Variants in IL12RB2 observed in about 807,000 individuals in gnomAD.
The protein encoded by IL12RB2 is interleukin 12 receptor subunit beta 2.
Under a neutral mutation model 89.4 loss-of-function variants are expected in IL12RB2, and 82 were observed. The observed-to-expected ratio is 0.92, with a 90% confidence interval of 0.77 to 1.10. IL12RB2 has a LOEUF of 1.10. Among genes scored for constraint, IL12RB2 ranks in the 50% least tolerant of loss-of-function variants. The pLI is 0.00. For missense variants in IL12RB2, 963 were observed against 1,031.9 expected (o/e 0.93, Z 0.92); for synonymous variants, 368 against 370.1 (o/e 0.99, Z 0.07).
At chr1:67,380,274 G>C in intron 14 of IL12RB2, 151 bp downstream of exon 14, 1 of 786,640 alleles carries the variant, frequency 1.3e-6, no homozygotes, top group Non-Finnish European at 2.2e-6. Context: ...CTCCTAAATA[G>C]AATGCTTTAC....
intron 7 of IL12RB2, 41 bp from the exon 8 acceptor site, chr1:67,330,619 T>A (rs1657947324): frequency 2.2e-6 from 2 of 922,324 alleles, no homozygotes; most frequent in Non-Finnish European, 3.6e-6. Flanking sequence ...AAATTAGCAA[T>A]CTAGTATTAA....
intron 10 of IL12RB2, among the ~76,000 whole-genome samples, chr1:67,351,721 T>C (rs1347947356): frequency 6.6e-6 from 1 of 152,218 alleles, no homozygotes; most frequent in Admixed American, 6.5e-5. Context: ...CATAGCCCTT[T>C]ATTGCACAAG....
At chr1:67,310,236 A>G (rs1031917090) in intron 1 of IL12RB2, among the ~76,000 whole-genome samples, 3 of 151,226 alleles carry the variant, frequency 2.0e-5, no homozygotes, top group South Asian at 2.1e-4. Flanking sequence ...AGTCTTATAC[A>G]ATTTCCTTTG....
At chr1:67,394,846 A>G (rs1294434873) in intron 16 of IL12RB2, among the ~76,000 whole-genome samples, 1 of 152,200 alleles carries the variant, frequency 6.6e-6, no homozygotes. Context: ...GTGTCCCTTC[A>G]TCACCTGTTT....
intron 8 of IL12RB2, 59 bp downstream of exon 8, chr1:67,330,869 G>T: frequency 1.1e-6 from 1 of 908,502 alleles, no homozygotes; most frequent in Admixed American, 1.7e-5. Context: ...GAGGGGGGAA[G>T]ATGTAATGAT....
Position 67,367,806 on chromosome 1 carries a change from C to T in IL12RB2, c.1259-19C>T, listed in dbSNP as rs773599091. 1.4e-6 allele frequency: 2 copies of T among 1,379,678 alleles called. No individual in the cohort carries two copies. Among genetic ancestry groups the T allele is most frequent in the African/African-American group, 1.4e-5 (1 of 69,732 alleles). The allele number at this position is 1,379,678 out of a possible 1,614,324, so 85.5% of individuals were successfully genotyped here. The stretch of plus-strand genomic sequence containing the variant: ...CTCCTCTTTTTTTATTTTGTTTCTC[C>T]TCTTTCTGTCCGATAAAGGGTTGCT... On this transcript the variant is annotated intron_variant, in intron 10 of 16. Transcript: ENST00000674203.
intron 1 of IL12RB2, among the ~76,000 whole-genome samples, chr1:67,311,268 G>C (rs1269096775): frequency 6.6e-6 from 1 of 152,172 alleles, no homozygotes; most frequent in East Asian, 1.9e-4. Context: ...GTTTAACATG[G>C]GAGCCCTGAG....
chr1:67,334,354 T>A (rs1029309654), intron 8 of IL12RB2, among the ~76,000 whole-genome samples: 1 of 152,250 alleles, frequency 6.6e-6, no homozygotes, highest in East Asian at 1.9e-4. Context: ...AAATGTGCTA[T>A]TGTCACATGC....
At chr1:67,328,133 T>C (rs1657575203) in intron 5 of IL12RB2, 67 bp from the exon 6 acceptor site, 4 of 1,088,080 alleles carry the variant, frequency 3.7e-6, no homozygotes, top group Non-Finnish European at 5.7e-6. Context: ...CATTTTGTTC[T>C]TTTCTACTGT....
chr1:67,317,164 G>GTA (rs1211228524), intron 2 of IL12RB2, among the ~76,000 whole-genome samples: 1 of 152,192 alleles, frequency 6.6e-6, no homozygotes, highest in Non-Finnish European at 1.5e-5. Flanking sequence ...ACGGGCAGGA[G>GTA]TATAAGCAGC....
At chr1:67,330,292 T>C (rs1299773943) in intron 7 of IL12RB2, among the ~76,000 whole-genome samples, 1 of 146,768 alleles carries the variant, frequency 6.8e-6, no homozygotes, top group East Asian at 2.0e-4. Context: ...AAAAAGCCAG[T>C]GCTATGTTTG....
intron 10 of IL12RB2, among the ~76,000 whole-genome samples, chr1:67,353,243 T>C (rs185045887): frequency 7.2e-5 from 11 of 152,284 alleles, no homozygotes; most frequent in Admixed American, 2.6e-4. Context: ...AAAGGTAAGA[T>C]TTTAAAAGTG....
chr1:67,372,797 C>T lies in IL12RB2; in HGVS notation c.1717+14C>T. 6.3e-7 allele frequency: 1 copy of T among 1,578,232 alleles called. No homozygotes were observed. Among genetic ancestry groups the T allele is most frequent in the Non-Finnish European group, 8.7e-7 (1 of 1,147,644 alleles). On this transcript the variant is annotated intron_variant, in intron 13 of 16. Transcript: ENST00000674203. ...CTCAGCTCTGTGGTATGTGTGAGAA[C>T]CAAATGCAGTGAGTGGGGCCTTCTT... is the stretch of plus-strand genomic sequence containing the variant.
At chr1:67,388,446 A>C (rs959664253) in intron 15 of IL12RB2, among the ~76,000 whole-genome samples, 17 of 152,072 alleles carry the variant, frequency 1.1e-4, no homozygotes, top group African/African-American at 3.9e-4. Context: ...CCTGGGTTCA[A>C]TCGATTCTCC....
At chr1:67,371,444 A>G (rs1663292800) in intron 11 of IL12RB2, among the ~76,000 whole-genome samples, 3 of 152,130 alleles carry the variant, frequency 2.0e-5, no homozygotes, top group African/African-American at 7.2e-5. Context: ...ACCCTAATCA[A>G]CTGTCAGTGT....
At position 67,390,043 on chromosome 1, in the gene IL12RB2, T is replaced by C. The variant is rs1385957091; in HGVS notation, c.1961T>C (p.Leu654Pro). ...TTTATCTATAGGGTGTTTGTTCTCC[T>C]AGCAGCCCTCAGACCTCAGTGGTGT... The part of the protein sequence containing the change: ...HYFQQKVFVL[L>P]AALRPQWCSR... Residue 654 changes from leucine (L) to proline (P), a missense_variant, in exon 16 of 17, where the codon CTA becomes CCA. Coordinates refer to ENST00000674203, the MANE Select transcript of IL12RB2 (RefSeq NM_001374259.2). The C allele has an allele frequency of 1.6e-6, 2 of 1,283,444 alleles. No individual in the cohort carries two copies. Among genetic ancestry groups the C allele is most frequent in the Non-Finnish European group, 1.1e-6 (1 of 877,950 alleles). 79.5% of individuals were successfully genotyped at this position (1,283,444 alleles called of 1,614,324 possible). A position where few individuals can be genotyped will look rare whatever the true frequency, so the allele number is the denominator to read the frequency against.
chr1:67,323,735 A>G (rs1339325071), intron 4 of IL12RB2, among the ~76,000 whole-genome samples: 2 of 152,224 alleles, frequency 1.3e-5, no homozygotes, highest in African/African-American at 4.8e-5. Flanking sequence ...GCTATGCTCC[A>G]CCAACCCAAG....
At chr1:67,325,847 A>G (rs1401838032) in intron 4 of IL12RB2, among the ~76,000 whole-genome samples, 1 of 152,246 alleles carries the variant, frequency 6.6e-6, no homozygotes, top group Admixed American at 6.5e-5. Context: ...GTATTAGGGT[A>G]AAATGGGATG....
At chr1:67,324,916 G>T (rs958722704) in intron 4 of IL12RB2, among the ~76,000 whole-genome samples, 3 of 152,208 alleles carry the variant, frequency 2.0e-5, no homozygotes, top group African/African-American at 4.8e-5. Flanking sequence ...CAGTCTATAT[G>T]TCTTAGAGGA....
Sources: allele counts gnomAD v4.1 joint callset (sites outside exome capture counted in the v4.1 genomes callset), GRCh38; gene constraint gnomAD v4.1.1; transcripts MANE v1.5; gene names NCBI Gene and HGNC (gene_info 2026-07-23, HGNC 2026-07-21).